The following ORC3 variants were observed in gnomAD, a reference collection of about 807,000 sequenced individuals.
The protein encoded by ORC3 is origin recognition complex subunit 3.
ORC3 carries 78 observed loss-of-function variants against 100.7 expected under a neutral mutation model. The observed-to-expected ratio is 0.77, with a 90% CI of 0.65 to 0.94. The LOEUF (loss-of-function observed/expected upper bound fraction) is 0.94, where lower values mean the gene tolerates loss of function less well. Among genes scored for constraint, ORC3 ranks in the 40% least tolerant of loss-of-function variants. The probability of loss-of-function intolerance (pLI) is 0.00; values close to 1 mark genes in which losing one functional copy is unlikely to be tolerated. For synonymous variants in ORC3, 295 were observed against 289.3 expected, an observed-to-expected ratio of 1.02 and a Z score of -0.20; for missense variants, 789 against 823.9, an observed-to-expected ratio of 0.96 and a Z score of 0.52.
intron 11 of ORC3, among the ~76,000 whole-genome samples, chr6:87,631,842 T>C (rs1767445094): frequency 6.6e-6 from 1 of 152,090 alleles, no homozygotes; most frequent in Non-Finnish European, 1.5e-5. Context: ...GTTTGTAAAA[T>C]AGTGTCCATA....
chr6:87,655,166 A>T (rs1769576066), intron 14 of ORC3, among the ~76,000 whole-genome samples: 1 of 152,162 alleles, frequency 6.6e-6, no homozygotes, highest in South Asian at 2.1e-4. Flanking sequence ...AGTTGGGAAG[A>T]GTTAAGTAGG....
chr6:87,666,503 A>C (rs1043271947), intron 19 of ORC3, among the ~76,000 whole-genome samples: 1 of 140,436 alleles, frequency 7.1e-6, no homozygotes, highest in African/African-American at 2.8e-5. Flanking sequence ...CAGTGGCACG[A>C]TCTCGGCTCA....
chr6:87,650,514 G>A (rs974186243), intron 13 of ORC3, among the ~76,000 whole-genome samples: 2 of 152,138 alleles, frequency 1.3e-5, no homozygotes, highest in African/African-American at 4.8e-5. Context: ...TAATAGTGAT[G>A]ATAGCAGGCA....
intron 8 of ORC3, among the ~76,000 whole-genome samples, chr6:87,613,608 G>C (rs1165433750): frequency 6.6e-6 from 1 of 152,154 alleles, no homozygotes; most frequent in Non-Finnish European, 1.5e-5. Flanking sequence ...AGAATCAAAA[G>C]CAAGTTAGTT....
intron 1 of ORC3, 52 bp downstream of exon 1, chr6:87,590,244 T>TTCAAAGGG: frequency 6.3e-7 from 1 of 1,579,602 alleles, no homozygotes; most frequent in Non-Finnish European, 8.7e-7. Context: ...CATTCCCCTT[T>TTCAAAGGG]GAAGAAGGGA....
At chr6:87,627,369 C>A (rs1158966016) in intron 11 of ORC3, among the ~76,000 whole-genome samples, 1 of 143,546 alleles carries the variant, frequency 7.0e-6, no homozygotes, top group African/African-American at 2.6e-5. Context: ...GATCTCAGCT[C>A]ACTGCAACCT....
intron 9 of ORC3, among the ~76,000 whole-genome samples, chr6:87,619,401 G>GT (rs1779379984): frequency 1.3e-5 from 2 of 152,010 alleles, no homozygotes; most frequent in East Asian, 3.9e-4. Context: ...TATTTACATG[G>GT]TTTTTTTGTT....
intron 11 of ORC3, among the ~76,000 whole-genome samples, chr6:87,629,747 C>T (rs1000594325): frequency 6.6e-6 from 1 of 152,084 alleles, no homozygotes; most frequent in Non-Finnish European, 1.5e-5. Flanking sequence ...TTATTTTACT[C>T]TGTATATACA....
At chr6:87,616,235 C>A in intron 8 of ORC3, 79 bp from the exon 9 acceptor site, 1 of 537,070 alleles carries the variant, frequency 1.9e-6, no homozygotes, top group East Asian at 2.9e-5. Context: ...TCATTCTTTG[C>A]CTCATTATTA....
intron 11 of ORC3, among the ~76,000 whole-genome samples, chr6:87,626,111 A>G (rs1319694150): frequency 5.3e-5 from 8 of 152,192 alleles, no homozygotes; most frequent in Non-Finnish European, 1.0e-4. Context: ...GTTTGAAGTC[A>G]GGTAGCATGA....
At chr6:87,643,854 G>T (rs1272433789) in intron 13 of ORC3, among the ~76,000 whole-genome samples, 43 of 152,048 alleles carry the variant, frequency 2.8e-4, no homozygotes, top group Non-Finnish European at 2.9e-5. Flanking sequence ...TTGCATATAA[G>T]CTGTGCACAT....
intron 11 of ORC3, among the ~76,000 whole-genome samples, chr6:87,630,610 T>C (rs1583086923): frequency 6.6e-6 from 1 of 152,118 alleles, no homozygotes; most frequent in Non-Finnish European, 1.5e-5. Context: ...AAGTAAAATA[T>C]CTGTTAGTGA....
chr6:87,676,007 T>C, the ORC3 span: 65 of 1,234,830 alleles, frequency 5.3e-5, no homozygotes, highest in Admixed American at 4.1e-4. Flanking sequence ...ACACAAAATA[T>C]ACAGTAAAAC....
chr6:87,670,815 A>G (rs1194852164), downstream of ORC3, among the ~76,000 whole-genome samples: 2 of 152,194 alleles, frequency 1.3e-5, no homozygotes, highest in Non-Finnish European at 2.9e-5. Flanking sequence ...GAAGTAAAAC[A>G]AAGAAAGCAG....
intron 17 of ORC3, among the ~76,000 whole-genome samples, chr6:87,664,100 G>C (rs1770413635): frequency 6.6e-6 from 1 of 151,962 alleles, no homozygotes; most frequent in African/African-American, 2.4e-5. Context: ...CTTCTTCTTG[G>C]CTGGTGGGTC....
the ORC3 span, chr6:87,675,534 A>G: frequency 6.3e-7 from 1 of 1,596,828 alleles, no homozygotes; most frequent in South Asian, 1.1e-5. Context: ...GCATGTCATA[A>G]TTGGGACCTC....
rs114337115 is a variant in ORC3 at position 87,598,573 on chromosome 6, T to C, written c.80-3211T>C. 2.3e-3 allele frequency among the ~76,000 whole-genome samples: 351 copies of C among 152,292 alleles called. 2 individuals are homozygous for C. The highest frequency in any genetic ancestry group is 8.1e-3 in the African/African-American group (336 of 41,568). ...TGTATTGAATTTAAGCTACAACTTATTAGGATTGGTTTATAGTTTTTAGTA... is the reference window on the plus strand; with the variant it reads ...TGTATTGAATTTAAGCTACAACTTACTAGGATTGGTTTATAGTTTTTAGTA... On this transcript the variant is annotated intron_variant, in intron 2 of 19. Coordinates refer to ENST00000392844, the MANE Select transcript of ORC3 (RefSeq NM_012381.4).
chr6:87,609,293 T>C, intron 7 of ORC3, 64 bp downstream of exon 7: 1 of 1,110,420 alleles, frequency 9.0e-7, no homozygotes, highest in Non-Finnish European at 1.3e-6. Flanking sequence ...TACTTTTAAC[T>C]TGAAAAGTAT....
At chr6:87,609,067 A>G (rs1778549757) in intron 6 of ORC3, 29 bp from the exon 7 acceptor site, 1 of 1,573,036 alleles carries the variant, frequency 6.4e-7, no homozygotes. Context: ...GCTTACCTTT[A>G]ACTCTTTCTT....
Sources: allele counts gnomAD v4.1 joint callset (sites outside exome capture counted in the v4.1 genomes callset), GRCh38; gene constraint gnomAD v4.1.1; transcripts MANE v1.5; gene names NCBI Gene and HGNC (gene_info 2026-07-23, HGNC 2026-07-21).